Variants in TUFT1 observed in about 807,000 individuals in gnomAD.
TUFT1 encodes the protein tuftelin 1, also known as tuftelin.
A neutral mutation model predicts 57.8 loss-of-function variants in TUFT1; 43 were observed. The observed-to-expected ratio is 0.74, with a 90% CI of 0.58 to 0.96. The LOEUF (loss-of-function observed/expected upper bound fraction) is 0.96. Among genes scored for constraint, TUFT1 ranks in the 40% least tolerant of loss-of-function variants. TUFT1 has a pLI of 0.00. For missense variants in TUFT1, 459 were observed against 489.0 expected (o/e 0.94, Z 0.58); for synonymous variants, 166 against 176.7 (o/e 0.94, Z 0.48).
At chr1:151,566,075 T>G (rs1666067015) in intron 5 of TUFT1, 88 bp from the exon 6 acceptor site, 1 of 584,186 alleles carries the variant, frequency 1.7e-6, no homozygotes, top group Non-Finnish European at 2.8e-6. Context: ...GTCCTTCTCT[T>G]TCTAAGATTT....
intron 12 of TUFT1, 74 bp from the exon 13 acceptor site, chr1:151,581,570 C>T: frequency 6.8e-7 from 1 of 1,474,600 alleles, no homozygotes; most frequent in Non-Finnish European, 9.4e-7. Flanking sequence ...GTGAAGATTC[C>T]AGGGGCTCTG....
At chr1:151,574,212 T>C in intron 7 of TUFT1, 58 bp from the exon 8 acceptor site, 1 of 1,566,576 alleles carries the variant, frequency 6.4e-7, no homozygotes, top group Non-Finnish European at 8.6e-7. Context: ...TCTAAGGTTT[T>C]TTTCCATGTT....
intron 7 of TUFT1, among the ~76,000 whole-genome samples, chr1:151,573,487 G>T (rs1170083441): frequency 1.3e-5 from 2 of 152,220 alleles, no homozygotes; most frequent in Non-Finnish European, 2.9e-5. Context: ...GCTCACTCCT[G>T]TAATCCCAGC....
chr1:151,560,148 T>A (rs1200265212), intron 1 of TUFT1, among the ~76,000 whole-genome samples: 1 of 148,248 alleles, frequency 6.7e-6, no homozygotes, highest in Non-Finnish European at 1.5e-5. Context: ...CCGGGTGCGG[T>A]GGCTCACGCC....
At position 151,563,889 on chromosome 1, in the gene TUFT1, G is replaced by A; in HGVS notation, c.238-15G>A. 1.2e-6 allele frequency: 2 copies of A among 1,608,754 alleles called. No homozygotes were observed. Among genetic ancestry groups the A allele is most frequent in the Non-Finnish European group, 1.7e-6 (2 of 1,175,214 alleles). The stretch of plus-strand genomic sequence containing the variant: ...TAATTTGAGGTTTCTTAACTAAATG[G>A]TGTTCTTATTTCAGGTGTACTTGAA... On this transcript the variant is annotated splice_polypyrimidine_tract_variant and intron_variant, in intron 3 of 12. Coordinates refer to ENST00000368849, the MANE Select transcript of TUFT1 (RefSeq NM_020127.3).
In TUFT1 at chr1:151,566,108, C is replaced by T. The variant is rs368399355; in HGVS notation, c.415-55C>T. 362 of 1,192,680 alleles carry T rather than the reference C, an allele frequency of 3.0e-4. 4 individuals carry two copies. The East Asian group carries it at 0.012, about 40-fold the overall frequency. The allele number at this position is 1,192,680 out of a possible 1,614,324, so 73.9% of individuals were successfully genotyped here. Reference sequence around the variant, plus strand: ...TTTGAGTGTTAGGAGAATAATGTTTCAAAGTTGGTTGCTTTCATCTGTTTT... The same window carrying T: ...TTTGAGTGTTAGGAGAATAATGTTTTAAAGTTGGTTGCTTTCATCTGTTTT... On this transcript the variant is annotated intron_variant, in intron 5 of 12. Transcript: ENST00000368849.
chr1:151,555,239 G>A (rs1286891354), intron 1 of TUFT1, among the ~76,000 whole-genome samples: 1 of 151,034 alleles, frequency 6.6e-6, no homozygotes. Flanking sequence ...TGAGGTAGGA[G>A]GATTGCTTGA....
intron 7 of TUFT1, among the ~76,000 whole-genome samples, chr1:151,571,355 T>C (rs1248932058): frequency 1.3e-5 from 2 of 152,212 alleles, no homozygotes; most frequent in Non-Finnish European, 2.9e-5. Flanking sequence ...CTTACAAGTT[T>C]GTTGTGTAGA....
Position 151,575,143 on chromosome 1 carries a change from C to T in TUFT1, c.818+138C>T, listed in dbSNP as rs541023155. ...GTCAGATCTTCCAGCTCTGACTCAC[C>T]GTGAGCTTGCTCAGGGTGGAGCCCC... On this transcript the variant is annotated intron_variant, in intron 9 of 12. Transcript: ENST00000368849. The T allele has an allele frequency of 1.6e-4, 120 of 759,272 alleles. No individual in the cohort carries two copies. In the African/African-American group the frequency reaches 1.8e-3, roughly 11 times the overall value. 47.0% of individuals were successfully genotyped at this position (759,272 alleles called of 1,614,324 possible). A position where few individuals can be genotyped will look rare whatever the true frequency, so the allele number is the denominator to read the frequency against.
chr1:151,562,586 CG>C lies in TUFT1; in HGVS notation c.140del (p.Gly47AlafsTer36). On this transcript the variant is annotated frameshift_variant and splice_region_variant, in exon 3 of 13. Coordinates refer to ENST00000368849, the MANE Select transcript of TUFT1 (RefSeq NM_020127.3). LOFTEE classifies it high-confidence loss of function. ...GDELEHIAQK[A>X]GRKTYAMVSS... ...TCTCTCTCATCTCTCTTTGGCCAGG[CG>C]GGCAGGAAGACCTATGCCATGGTGT... The C allele has an allele frequency of 1.2e-6, 2 of 1,611,264 alleles. No individual in the cohort carries two copies. The highest frequency in any genetic ancestry group is 1.7e-6 in the Non-Finnish European group (2 of 1,179,442).
At chr1:151,565,474 A>G (rs533664148) in intron 5 of TUFT1, among the ~76,000 whole-genome samples, 1 of 152,378 alleles carries the variant, frequency 6.6e-6, no homozygotes, top group South Asian at 2.1e-4. Flanking sequence ...TGTCTTGGGC[A>G]TGCACTTGTG....
chr1:151,564,863 G>C, intron 5 of TUFT1: 1 of 317,872 alleles, frequency 3.1e-6, no homozygotes, highest in Non-Finnish European at 5.8e-6. Context: ...TACAGAAATT[G>C]AACTTATATA....
intron 1 of TUFT1, among the ~76,000 whole-genome samples, chr1:151,549,604 G>A (rs6672827): frequency 0.012 from 1,769 of 152,214 alleles, 29 homozygotes; most frequent in African/African-American, 0.04. Flanking sequence ...CTAAAATGTC[G>A]GTTGTGAAAT....
At position 151,564,106 on chromosome 1, in the gene TUFT1, C is replaced by G. The variant is rs1230703208; in HGVS notation, c.324+116C>G. 11 of 788,154 alleles carry G rather than the reference C, an allele frequency of 1.4e-5. No individual in the cohort carries two copies. In the East Asian group the frequency reaches 2.8e-4, roughly 20 times the overall value. The allele number at this position is 788,154 out of a possible 1,614,324, so 48.8% of individuals were successfully genotyped here. ...TTCCCCTTCTTTTTCCTTTATGTCT[C>G]TGAAATGCCACCATGCCCTCCCGTG... On this transcript the variant is annotated intron_variant, in intron 4 of 12. Transcript: ENST00000368849.
At chr1:151,566,391 A>C (rs975155189) in intron 6 of TUFT1, among the ~76,000 whole-genome samples, 163 bp downstream of exon 6, 1 of 152,156 alleles carries the variant, frequency 6.6e-6, no homozygotes, top group Non-Finnish European at 1.5e-5. Flanking sequence ...AAGAGTAGAA[A>C]TTCTCCTTCC....
intron 1 of TUFT1, among the ~76,000 whole-genome samples, chr1:151,554,349 A>T (rs1282941904): frequency 2.0e-5 from 3 of 152,168 alleles, no homozygotes; most frequent in Non-Finnish European, 4.4e-5. Flanking sequence ...TCAGATATAC[A>T]TATAGTGAAT....
chr1:151,555,082 C>G (rs1665641338), intron 1 of TUFT1, among the ~76,000 whole-genome samples: 1 of 147,762 alleles, frequency 6.8e-6, no homozygotes, highest in Non-Finnish European at 1.5e-5. Context: ...AATCCCAGCA[C>G]TTTGGGAGGC....
chr1:151,564,648 C>T (rs1558009349), intron 5 of TUFT1, 34 bp downstream of exon 5: 10 of 1,574,390 alleles, frequency 6.4e-6, no homozygotes, highest in East Asian at 4.5e-5. Flanking sequence ...GGGTCCCCAC[C>T]GAGGAGGTGG....
chr1:151,571,647 GAAGA>G (rs1666253327), intron 7 of TUFT1, among the ~76,000 whole-genome samples: 1 of 152,082 alleles, frequency 6.6e-6, no homozygotes, highest in Admixed American at 6.5e-5. Context: ...AACAAAACAG[GAAGA>G]AAGGAAGGTT....
Sources: gnomAD v4.1 joint callset for allele counts (sites outside exome capture counted in the v4.1 genomes callset) on GRCh38, gnomAD v4.1.1 for gene constraint, MANE v1.5 for transcripts, NCBI Gene and HGNC (gene_info 2026-07-23, HGNC 2026-07-21) for gene names.